Variants in SOX6 observed in about 807,000 individuals in gnomAD.
SOX6 encodes the protein SRY-box transcription factor 6.
Under a neutral mutation model 97.8 loss-of-function variants are expected in SOX6, and 11 were observed. The ratio of observed to expected loss-of-function variants is 0.11; its 90% confidence interval spans 0.07 to 0.19. The LOEUF is 0.19. Ranked by LOEUF, SOX6 falls within the 10% of genes least tolerant of loss-of-function variation. The probability of loss-of-function intolerance (pLI) is 1.00; values close to 1 mark genes in which losing one functional copy is unlikely to be tolerated. For missense variants in SOX6, 810 were observed against 1,039.5 expected, an observed-to-expected ratio of 0.78 and a Z score of 3.04; for synonymous variants, 360 against 371.4, an observed-to-expected ratio of 0.97 and a Z score of 0.35.
intron 2 of SOX6, among the ~76,000 whole-genome samples, chr11:16,721,790 C>T (rs1419308198): frequency 6.6e-6 from 1 of 151,476 alleles, no homozygotes; most frequent in African/African-American, 2.4e-5. Flanking sequence ...ATTAATTACC[C>T]ACTTTTAGGG....
At chr11:16,594,683 G>GATT (rs1565188995) in intron 4 of SOX6, among the ~76,000 whole-genome samples, 1 of 47,806 alleles carries the variant, frequency 2.1e-5, no homozygotes, top group African/African-American at 8.1e-5. Flanking sequence ...TTCGGTTTTT[G>GATT]CTTTTTTTTT....
chr11:16,028,809 A>G (rs1442002269), intron 12 of SOX6, among the ~76,000 whole-genome samples: 3 of 152,214 alleles, frequency 2.0e-5, no homozygotes, highest in Non-Finnish European at 4.4e-5. Flanking sequence ...TGTTTCCACA[A>G]TGGTGAAAAT....
chr11:16,447,301 G>A (rs1277043658), intron 1 of SOX6, among the ~76,000 whole-genome samples: 2 of 152,056 alleles, frequency 1.3e-5, no homozygotes, highest in African/African-American at 4.8e-5. Context: ...ATGAATTCTG[G>A]CTCTATCATT....
At chr11:16,616,410 T>C (rs1342529907) in intron 3 of SOX6, among the ~76,000 whole-genome samples, 1 of 152,126 alleles carries the variant, frequency 6.6e-6, no homozygotes, top group East Asian at 1.9e-4. Flanking sequence ...AATTTTAAAA[T>C]TTGTTACTTA....
At chr11:16,662,527 T>A (rs1233269310) in intron 3 of SOX6, among the ~76,000 whole-genome samples, 1 of 152,056 alleles carries the variant, frequency 6.6e-6, no homozygotes, top group East Asian at 1.9e-4. Context: ...AATCCAACAA[T>A]ATAATATTTT....
chr11:16,292,366 C>T (rs1023947236), intron 3 of SOX6, among the ~76,000 whole-genome samples: 3 of 151,952 alleles, frequency 2.0e-5, no homozygotes, highest in African/African-American at 4.8e-5. Context: ...GGTAATCTGG[C>T]GCTTTGGAAG....
Position 16,046,548 on chromosome 11 carries a change from T to C in SOX6, c.1589A>G (p.Asn530Ser), listed in dbSNP as rs758700023. The change falls in exon 12 of 16, where the codon AAT becomes AGT. Residue 530 changes from asparagine to serine, a missense_variant. By Grantham distance (46) the Asn-to-Ser change is conservative. Coordinates refer to ENST00000683767, the MANE Select transcript of SOX6 (RefSeq NM_001367873.1). The part of the protein sequence containing the change: ...HGVDGKLSSI[N>S]NMGLNSCRNE... The stretch of plus-strand genomic sequence containing the variant: ...CCTGCAGCTGTTCAGCCCCATATTA[T>C]TTATGGAGGACAGTTTCCCGTCAAC... The C allele has an allele frequency of 1.9e-6, 3 of 1,613,666 alleles. No individual in the cohort carries two copies. Among genetic ancestry groups the C allele is most frequent in the Admixed American group, 3.3e-5 (2 of 59,966 alleles).
intron 6 of SOX6, among the ~76,000 whole-genome samples, chr11:16,132,244 AAAGG>A (rs1257049625): frequency 2.1e-5 from 3 of 139,742 alleles, no homozygotes; most frequent in East Asian, 2.6e-4. Flanking sequence ...AGAAAGAAAG[AAAGG>A]AAGGAAGAAA....
chr11:16,104,149 G>A (rs1433843095), intron 7 of SOX6, among the ~76,000 whole-genome samples: 1 of 151,730 alleles, frequency 6.6e-6, no homozygotes, highest in Non-Finnish European at 1.5e-5. Flanking sequence ...TTTCTTCCTG[G>A]ACCCCAACAC....
At chr11:16,621,661 T>C (rs1848547124) in intron 3 of SOX6, among the ~76,000 whole-genome samples, 1 of 152,200 alleles carries the variant, frequency 6.6e-6, no homozygotes, top group African/African-American at 2.4e-5. Context: ...ATTAAAATTA[T>C]TTATACAAAT....
intron 6 of SOX6, among the ~76,000 whole-genome samples, chr11:16,179,704 AT>A (rs943677419): frequency 2.0e-5 from 3 of 151,896 alleles, no homozygotes; most frequent in Non-Finnish European, 4.4e-5. Context: ...AAAAAGACAC[AT>A]GTGTATGAAT....
chr11:16,710,210 C>T (rs992878594), intron 3 of SOX6, among the ~76,000 whole-genome samples: 2 of 152,150 alleles, frequency 1.3e-5, no homozygotes, highest in African/African-American at 4.8e-5. Context: ...TAGGTGTACC[C>T]TATTCAACGT....
intron 3 of SOX6, among the ~76,000 whole-genome samples, chr11:16,288,899 T>C (rs1359846762): frequency 1.3e-5 from 2 of 151,960 alleles, no homozygotes; most frequent in Non-Finnish European, 2.9e-5. Context: ...CATAAATATA[T>C]CCAGTATACA....
chr11:16,330,971 T>C (rs931453383), intron 2 of SOX6, among the ~76,000 whole-genome samples: 4 of 152,154 alleles, frequency 2.6e-5, no homozygotes, highest in Admixed American at 6.5e-5. Context: ...TGACAATTTA[T>C]GGCATTGAGA....
rs190975150 is a variant in SOX6 at position 16,228,147 on chromosome 11, G to A, written c.535+6435C>T. Among the ~76,000 whole-genome samples, 1,346 of 150,946 alleles carry A rather than the reference G, an allele frequency of 8.9e-3. 13 individuals are homozygous for A. The highest frequency in any genetic ancestry group is 0.016 in the Non-Finnish European group (1,119 of 67,876). On this transcript the variant is annotated intron_variant, in intron 4 of 15. Coordinates refer to ENST00000683767, the MANE Select transcript of SOX6 (RefSeq NM_001367873.1). ...CGGGAGGCAGAGGTTGCAGTGAGCCGAGACTGCACCAATGCACTCCTGCCT... is the reference window on the plus strand; with the variant it reads ...CGGGAGGCAGAGGTTGCAGTGAGCCAAGACTGCACCAATGCACTCCTGCCT...
intron 6 of SOX6, among the ~76,000 whole-genome samples, chr11:16,130,622 C>T (rs1466154502): frequency 1.3e-5 from 2 of 151,646 alleles, no homozygotes; most frequent in Non-Finnish European, 1.5e-5. Context: ...TCCAGCAGGA[C>T]ATTTTGAATA....
chr11:16,288,654 G>C (rs1037312535), intron 3 of SOX6, among the ~76,000 whole-genome samples: 3 of 151,718 alleles, frequency 2.0e-5, no homozygotes, highest in African/African-American at 7.3e-5. Flanking sequence ...ATATATATAA[G>C]CCTATGAGGG....
intron 12 of SOX6, among the ~76,000 whole-genome samples, chr11:16,023,924 C>T (rs889074427): frequency 6.6e-6 from 1 of 152,102 alleles, no homozygotes; most frequent in Non-Finnish European, 1.5e-5. Context: ...TTGGAAATAT[C>T]CAAGCTGAGT....
chr11:16,248,213 C>T (rs1247699448), intron 3 of SOX6, among the ~76,000 whole-genome samples: 1 of 152,158 alleles, frequency 6.6e-6, no homozygotes, highest in Non-Finnish European at 1.5e-5. Flanking sequence ...AAGCCCAACC[C>T]CTGGCTGCTT....
Sources: gnomAD v4.1 joint callset for allele counts (sites outside exome capture counted in the v4.1 genomes callset) on GRCh38, gnomAD v4.1.1 for gene constraint, MANE v1.5 for transcripts, NCBI Gene and HGNC (gene_info 2026-07-23, HGNC 2026-07-21) for gene names.